The following PFKFB3 variants were observed in gnomAD, a reference collection of about 807,000 sequenced individuals.
PFKFB3 encodes 6-phosphofructo-2-kinase/fructose-2,6-biphosphatase 3.
PFKFB3 carries 33 observed loss-of-function variants against 68.0 expected under a neutral mutation model. The ratio of observed to expected loss-of-function variants is 0.49; its 90% CI spans 0.37 to 0.65. The LOEUF (loss-of-function observed/expected upper bound fraction) is 0.65. PFKFB3 is among the 30% of genes least tolerant of loss of function. The pLI, the probability that PFKFB3 is intolerant of heterozygous loss-of-function variation, is 0.00. For synonymous variants in PFKFB3, 315 were observed against 288.2 expected (o/e 1.09, Z -0.94); for missense variants, 586 against 712.2 (o/e 0.82, Z 2.02).
chr10:6,226,529 G>A (rs1029438107), intron 14 of PFKFB3, 164 bp downstream of exon 14: 10 of 621,632 alleles, frequency 1.6e-5, no homozygotes, highest in African/African-American at 7.6e-5. Context: ...GTGGGGGCAT[G>A]TGCACACACT....
At chr10:6,314,147 A>G in the PFKFB3 span, among the ~76,000 whole-genome samples, 1 of 152,218 alleles carries the variant, frequency 6.6e-6, no homozygotes, top group Non-Finnish European at 1.5e-5. Context: ...AAACCATTCT[A>G]TATGTGGGAA....
intron 1 of PFKFB3, among the ~76,000 whole-genome samples, chr10:6,195,013 C>G (rs1369488589): frequency 2.0e-5 from 3 of 152,042 alleles, no homozygotes; most frequent in Admixed American, 2.0e-4. Flanking sequence ...GCTGGGATTA[C>G]AGGCACCTCT....
intron 1 of PFKFB3, chr10:6,146,300 A>T: frequency 6.6e-7 from 1 of 1,503,998 alleles, no homozygotes; most frequent in Non-Finnish European, 8.9e-7. Context: ...TTTCAAACAG[A>T]GGGTGCCTAG....
At chr10:6,150,501 G>C (rs574808963) in intron 1 of PFKFB3, among the ~76,000 whole-genome samples, 163 of 152,032 alleles carry the variant, frequency 1.1e-3, no homozygotes, top group Admixed American at 2.0e-3. Flanking sequence ...GTGGGCGCCT[G>C]TAATCCCAGC....
the PFKFB3 span, among the ~76,000 whole-genome samples, chr10:6,320,304 G>A: frequency 6.6e-6 from 1 of 152,114 alleles, no homozygotes; most frequent in Non-Finnish European, 1.5e-5. Context: ...GAATCTCAAA[G>A]TCATTCCTTG....
chr10:6,238,781 C>T (rs1338070621), downstream of PFKFB3, among the ~76,000 whole-genome samples: 1 of 152,126 alleles, frequency 6.6e-6, no homozygotes, highest in African/African-American at 2.4e-5. Flanking sequence ...CATGTGTTCT[C>T]ATTATTTAGC....
intron 1 of PFKFB3, chr10:6,146,282 G>T (rs888202546): frequency 3.6e-5 from 53 of 1,491,062 alleles, no homozygotes; most frequent in Middle Eastern, 2.4e-4. Context: ...GGCTGTACCG[G>T]ACTTGTTTTT....
At chr10:6,276,803 A>G in the PFKFB3 span, among the ~76,000 whole-genome samples, 3 of 151,340 alleles carry the variant, frequency 2.0e-5, no homozygotes, top group East Asian at 5.8e-4. Flanking sequence ...AGATTGGGTC[A>G]CAGAACCTAC....
intron 1 of PFKFB3, among the ~76,000 whole-genome samples, chr10:6,160,359 C>CCG (rs76127818): frequency 0.011 from 1,642 of 152,186 alleles, 66 homozygotes; most frequent in East Asian, 0.099. Context: ...GTGATTGCTC[C>CCG]CACCCTCTCT....
chr10:6,179,014 C>T (rs80345535), intron 1 of PFKFB3, among the ~76,000 whole-genome samples: 1,710 of 152,348 alleles, frequency 0.011, 36 homozygotes, highest in African/African-American at 0.039. Context: ...AGTACTATCT[C>T]CCTGGTGGAG....
At chr10:6,206,379 A>AT (rs1256662009) in intron 1 of PFKFB3, among the ~76,000 whole-genome samples, 1 of 134,002 alleles carries the variant, frequency 7.5e-6, no homozygotes, top group Non-Finnish European at 1.6e-5. Flanking sequence ...CAACCATCCG[A>AT]TTTCTCAATC....
chr10:6,255,232 C>G (rs1846479011), downstream of PFKFB3, among the ~76,000 whole-genome samples: 1 of 151,982 alleles, frequency 6.6e-6, no homozygotes, highest in Non-Finnish European at 1.5e-5. Context: ...TCAAGTGATT[C>G]TCCTGCCTCA....
At chr10:6,218,409 ATTATTTATTTAT>A (rs5782883) in intron 6 of PFKFB3, among the ~76,000 whole-genome samples, 129 of 143,356 alleles carry the variant, frequency 9.0e-4, no homozygotes, top group African/African-American at 2.3e-3. Context: ...AATCATTTTT[ATTATTTATTTAT>A]TTATTTATTT....
At chr10:6,165,048 C>T (rs1211823983) in intron 1 of PFKFB3, among the ~76,000 whole-genome samples, 1 of 152,092 alleles carries the variant, frequency 6.6e-6, no homozygotes, top group Admixed American at 6.6e-5. Flanking sequence ...TTACGGGTGT[C>T]TGGCTGGGGC....
At chr10:6,289,319 A>AG in the PFKFB3 span, among the ~76,000 whole-genome samples, 2 of 151,614 alleles carry the variant, frequency 1.3e-5, no homozygotes, top group Admixed American at 1.3e-4. Context: ...GTTTTCTTCT[A>AG]GGGTTTTTAT....
chr10:6,249,676 G>C (rs1846333941), intron 14 of PFKFB3, among the ~76,000 whole-genome samples: 2 of 152,210 alleles, frequency 1.3e-5, no homozygotes, highest in Admixed American at 6.5e-5. Context: ...GGTGTTTACA[G>C]AGGCTGGAGT....
the PFKFB3 span, among the ~76,000 whole-genome samples, chr10:6,276,622 A>G: frequency 1.4e-5 from 2 of 144,250 alleles, no homozygotes; most frequent in African/African-American, 5.1e-5. Context: ...AATAGCCTCC[A>G]ATAAAGGAAA....
chr10:6,242,827 A>T (rs1182020753), intron 14 of PFKFB3, among the ~76,000 whole-genome samples: 2 of 152,228 alleles, frequency 1.3e-5, no homozygotes, highest in East Asian at 1.9e-4. Context: ...ACCTGAGGTG[A>T]TCCGCCCACC....
chr10:6,149,962 T>G (rs1451179907), intron 1 of PFKFB3: 1 of 152,276 alleles, frequency 6.6e-6, no homozygotes, highest in Non-Finnish European at 1.5e-5. Flanking sequence ...ATGTACATTT[T>G]CTGTATCCAT....
Sources: gnomAD v4.1 joint callset for allele counts (sites outside exome capture counted in the v4.1 genomes callset) on GRCh38, gnomAD v4.1.1 for gene constraint, MANE v1.5 for transcripts, NCBI Gene and HGNC (gene_info 2026-07-23, HGNC 2026-07-21) for gene names.